VLDLR: variants seen among roughly 807,000 people sequenced by gnomAD.
The protein encoded by VLDLR is very low density lipoprotein receptor.
Under a neutral mutation model 112.7 loss-of-function variants are expected in VLDLR, and 81 were observed. The ratio of observed to expected loss-of-function variants is 0.72; its 90% confidence interval spans 0.60 to 0.86. The LOEUF (loss-of-function observed/expected upper bound fraction) is 0.86, where lower values mean the gene tolerates loss of function less well. VLDLR is among the 40% of genes least tolerant of loss of function. The pLI is 0.00. For missense variants in VLDLR, 1,237 were observed against 1,099.4 expected (o/e 1.13, Z -1.77); for synonymous variants, 436 against 384.8 (o/e 1.13, Z -1.56).
chr9:2,621,859 T>C lies in VLDLR; in HGVS notation c.-331T>C, dbSNP rs1000123214. 3.6e-6 allele frequency: 2 copies of C among 558,460 alleles called. No individual in the cohort carries two copies. The highest frequency in any genetic ancestry group is 6.8e-6 in the Non-Finnish European group (2 of 295,148). 34.6% of individuals were successfully genotyped at this position (558,460 alleles called of 1,614,324 possible). A position where few individuals can be genotyped will look rare whatever the true frequency, so the allele number is the denominator to read the frequency against. ...CTCTCCGTTCTGTGCTCTCTTCTGC[T>C]CTCGGCTCCCCACCCCCTCTCCCTT... On this transcript the variant is annotated 5_prime_UTR_variant, in exon 1 of 19. Coordinates refer to ENST00000382100, the MANE Select transcript of VLDLR (RefSeq NM_003383.5).
chr9:2,653,691 A>C (rs569479138), intron 18 of VLDLR, 142 bp from the exon 19 acceptor site: 177 of 837,072 alleles, frequency 2.1e-4, no homozygotes, highest in Non-Finnish European at 3.3e-4. Context: ...ACAACTCAGT[A>C]TTCTTTTGTA....
intron 2 of VLDLR, among the ~76,000 whole-genome samples, chr9:2,638,059 A>G (rs181121167): frequency 2.0e-5 from 3 of 152,356 alleles, no homozygotes; most frequent in Admixed American, 2.0e-4. Flanking sequence ...AGGTTGAATT[A>G]TAGCAACTAA....
intron 17 of VLDLR, 74 bp from the exon 18 acceptor site, chr9:2,652,706 C>G: frequency 6.3e-7 from 1 of 1,589,226 alleles, no homozygotes; most frequent in Non-Finnish European, 8.6e-7. Context: ...TTATGGATTC[C>G]TGAACGTTAT....
chr9:2,639,885 T>G lies in VLDLR; in HGVS notation c.229T>G (p.Phe77Val). ...AAAGAAGACGTGTGCTGAATCTGAC[T>G]TCGTGTGCAACAATGGCCAGTGTGT... ...CVKKTCAESD[F>V]VCNNGQCVPS... Residue 77 changes from phenylalanine (F) to valine (V), a missense_variant, in exon 3 of 19, where the codon TTC becomes GTC. Coordinates refer to ENST00000382100, the MANE Select transcript of VLDLR (RefSeq NM_003383.5). The G allele has an allele frequency of 6.2e-7, 1 of 1,614,166 alleles. No individual in the cohort carries two copies. The highest frequency in any genetic ancestry group is 8.5e-7 in the Non-Finnish European group (1 of 1,180,016).
In VLDLR at chr9:2,653,861, T is replaced by G; in HGVS notation, c.2615T>G (p.Leu872Arg). The change falls in exon 19 of 19, where the codon CTA (leucine) becomes CGA (arginine). Residue 872 changes from leucine (L) to arginine (R), a missense_variant. Leu to Arg is a moderately radical substitution (Grantham distance 102). Transcript: ENST00000382100. The part of the protein sequence containing the change: ...AISVVSTDDD[L>R]A ...TCAGTTGTAAGCACAGATGATGATC[T>G]AGCTTGACTTCTGTGACAAATGTTG... 1 of 1,613,970 alleles carries G rather than the reference T, an allele frequency of 6.2e-7. No homozygotes were observed. Among genetic ancestry groups the G allele is most frequent in the Non-Finnish European group, 8.5e-7 (1 of 1,179,856 alleles).
chr9:2,630,240 G>C (rs1460250263), intron 1 of VLDLR, among the ~76,000 whole-genome samples: 1 of 152,038 alleles, frequency 6.6e-6, no homozygotes, highest in South Asian at 2.1e-4. Context: ...CTTTTTTGCT[G>C]ACTCAGAAAT....
At position 2,631,520 on chromosome 9, in the gene VLDLR, G is replaced by C. The variant is rs558663974; in HGVS notation, c.83-3933G>C. ...ATCATGCCATTTGCAGCAGCATGGG[G>C]ATGGAATTGGAGGTCATTATGCTAA... On this transcript the variant is annotated intron_variant, in intron 1 of 18. Transcript: ENST00000382100. Among the ~76,000 whole-genome samples, 1,242 of 152,280 alleles carry C rather than the reference G, an allele frequency of 8.2e-3. 6 individuals are homozygous for C. The highest frequency in any genetic ancestry group is 0.013 in the Non-Finnish European group (903 of 68,022).
chr9:2,645,423 A>G, intron 9 of VLDLR, 151 bp from the exon 10 acceptor site: 1 of 978,122 alleles, frequency 1.0e-6, no homozygotes, highest in Non-Finnish European at 1.6e-6. Flanking sequence ...AAGCACTTGC[A>G]GGTCCCAGGG....
At chr9:2,629,719 T>C (rs1490927826) in intron 1 of VLDLR, among the ~76,000 whole-genome samples, 1 of 152,244 alleles carries the variant, frequency 6.6e-6, no homozygotes, top group African/African-American at 2.4e-5. Flanking sequence ...TAAAATTCAC[T>C]TATTTCCATG....
At chr9:2,643,085 A>G in intron 4 of VLDLR, 75 bp from the exon 5 acceptor site, 2 of 1,592,174 alleles carry the variant, frequency 1.3e-6, no homozygotes, top group Non-Finnish European at 1.7e-6. Context: ...AGATCAATGT[A>G]TTAGATTTTG....
Position 2,622,079 on chromosome 9 carries a change from C to CT in VLDLR, c.-108dup, listed in dbSNP as rs1816811053. The CT allele has an allele frequency of 9.0e-7, 1 of 1,116,620 alleles. No homozygotes were observed. The highest frequency in any genetic ancestry group is 1.6e-5 in the African/African-American group (1 of 61,202). 69.2% of individuals were successfully genotyped at this position (1,116,620 alleles called of 1,614,324 possible). A position where few individuals can be genotyped will look rare whatever the true frequency, so the allele number is the denominator to read the frequency against. On this transcript the variant is annotated 5_prime_UTR_variant, in exon 1 of 19. Coordinates refer to ENST00000382100, the MANE Select transcript of VLDLR (RefSeq NM_003383.5). ...CCAACTCCTTCCCCTCCTTCTCCCC[C>CT]TTTCCCCTCCCCGCCCCCACCTTCT...
In VLDLR at chr9:2,621,814, G is replaced by A; in HGVS notation, c.-376G>A. The A allele has an allele frequency of 2.1e-6, 1 of 486,978 alleles. No homozygotes were observed. Among genetic ancestry groups the A allele is most frequent in the South Asian group, 1.6e-5 (1 of 62,522 alleles). 30.2% of individuals were successfully genotyped at this position (486,978 alleles called of 1,614,324 possible). The stretch of plus-strand genomic sequence containing the variant: ...CCCGCTCTCCGGCCGCCGCCGGTGC[G>A]GGTGCTCCGCTACCGGCTCCTCTCC... On this transcript the variant is annotated 5_prime_UTR_variant, in exon 1 of 19. Transcript: ENST00000382100.
At chr9:2,641,870 T>G (rs780913355) in intron 4 of VLDLR, among the ~76,000 whole-genome samples, 1 of 152,012 alleles carries the variant, frequency 6.6e-6, no homozygotes, top group Non-Finnish European at 1.5e-5. Context: ...GCAAACACAT[T>G]CATAGGTCTA....
chr9:2,629,658 T>C (rs921305447), intron 1 of VLDLR, among the ~76,000 whole-genome samples: 3 of 152,254 alleles, frequency 2.0e-5, no homozygotes, highest in African/African-American at 7.2e-5. Flanking sequence ...CCATGATTCT[T>C]AAGATCAATT....
chr9:2,633,726 G>A (rs763489345), intron 1 of VLDLR, among the ~76,000 whole-genome samples: 1 of 151,986 alleles, frequency 6.6e-6, no homozygotes, highest in Non-Finnish European at 1.5e-5. Flanking sequence ...TTCTTTTCCT[G>A]ATTACTCAAG....
At chr9:2,627,413 G>A (rs372170150) in intron 1 of VLDLR, among the ~76,000 whole-genome samples, 16 of 152,084 alleles carry the variant, frequency 1.1e-4, no homozygotes, top group South Asian at 2.1e-4. Flanking sequence ...TAAAATCTGC[G>A]TCTGATATAT....
chr9:2,653,801 C>G (rs1241736629), intron 18 of VLDLR, 32 bp from the exon 19 acceptor site: 3 of 1,613,614 alleles, frequency 1.9e-6, no homozygotes, highest in Non-Finnish European at 2.5e-6. Flanking sequence ...GAGTGATCAC[C>G]AAGCTCATTC....
At chr9:2,632,610 C>T (rs563749586) in intron 1 of VLDLR, among the ~76,000 whole-genome samples, 5 of 152,202 alleles carry the variant, frequency 3.3e-5, no homozygotes, top group Non-Finnish European at 7.3e-5. Flanking sequence ...CCTCTTAACT[C>T]ATTTGGTGCT....
At position 2,656,543 on chromosome 9, in the gene VLDLR, C is replaced by CA. The variant is rs1294687161; in HGVS notation, c.*2681dup. 2.0e-5 allele frequency: 3 copies of CA among 152,056 alleles called. No individual in the cohort carries two copies. The highest frequency in any genetic ancestry group is 4.8e-5 in the African/African-American group (2 of 41,398). The allele number at this position is 152,056 out of a possible 1,614,324, so 9.4% of individuals were successfully genotyped here. On this transcript the variant is annotated 3_prime_UTR_variant, in exon 19 of 19. Transcript: ENST00000382100. Reference sequence around the variant, plus strand: ...GATAACAGGCCTCGGCTTTATCACCCAAAAAATAACTTGAATTCTATGTGA... The same window carrying CA: ...GATAACAGGCCTCGGCTTTATCACCCAAAAAAATAACTTGAATTCTATGTGA...
Sources: gnomAD v4.1 joint callset for allele counts (sites outside exome capture counted in the v4.1 genomes callset) on GRCh38, gnomAD v4.1.1 for gene constraint, MANE v1.5 for transcripts, NCBI Gene and HGNC (gene_info 2026-07-23, HGNC 2026-07-21) for gene names.